GABRB2: variants seen among roughly 807,000 people sequenced by gnomAD.
GABRB2 encodes the protein gamma-aminobutyric acid type A receptor subunit beta2.
In GABRB2, 16 loss-of-function variants were observed where a neutral mutation model predicts 54.7. That is an observed-to-expected ratio of 0.29 (90% CI 0.20 to 0.44). The LOEUF is 0.44. Ranked by LOEUF, GABRB2 falls within the 20% of genes least tolerant of loss-of-function variation. GABRB2 has a pLI of 1.00. For missense variants in GABRB2, 355 were observed against 644.0 expected (o/e 0.55, Z 4.86); for synonymous variants, 244 against 233.8 (o/e 1.04, Z -0.40).
chr5:161,469,520 AAAAAACAAAAAAC>A (rs1412920459), intron 3 of GABRB2, among the ~76,000 whole-genome samples: 1 of 148,080 alleles, frequency 6.8e-6, no homozygotes, highest in Non-Finnish European at 1.5e-5. Flanking sequence ...AAAAAAAACC[AAAAAACAAAAAAC>A]AAAAAGAAAA....
At chr5:161,334,620 C>A (rs1028610357) in intron 7 of GABRB2, 132 bp downstream of exon 7, 40 of 821,874 alleles carry the variant, frequency 4.9e-5, no homozygotes, top group Non-Finnish European at 6.5e-5. Flanking sequence ...AGTCTCATAG[C>A]GAAACTCTTA....
intron 4 of GABRB2, among the ~76,000 whole-genome samples, chr5:161,434,652 A>G (rs1757260279): frequency 1.3e-5 from 2 of 152,056 alleles, no homozygotes; most frequent in African/African-American, 2.4e-5. Flanking sequence ...GTTGTCCCCT[A>G]TGTCTCAGTG....
chr5:161,421,573 C>T (rs1364977691), intron 4 of GABRB2, among the ~76,000 whole-genome samples: 2 of 152,156 alleles, frequency 1.3e-5, no homozygotes, highest in African/African-American at 4.8e-5. Context: ...ATTTTCACTG[C>T]AGTACATGGT....
chr5:161,310,662 C>T (rs761110887), intron 9 of GABRB2, among the ~76,000 whole-genome samples: 16 of 135,044 alleles, frequency 1.2e-4, no homozygotes, highest in African/African-American at 2.6e-4. Context: ...CACATGCACA[C>T]GCACGCGCAC....
intron 5 of GABRB2, among the ~76,000 whole-genome samples, chr5:161,395,974 A>G (rs1755986707): frequency 6.6e-6 from 1 of 152,214 alleles, no homozygotes; most frequent in Non-Finnish European, 1.5e-5. Flanking sequence ...AAATAATGTC[A>G]AGGAGAAGTT....
chr5:161,433,805 A>C (rs781523785), intron 4 of GABRB2, among the ~76,000 whole-genome samples: 1 of 152,130 alleles, frequency 6.6e-6, no homozygotes, highest in Non-Finnish European at 1.5e-5. Context: ...ACCCTGCAGG[A>C]TGATTCTCTG....
At chr5:161,545,371 G>A (rs1194687646) in intron 2 of GABRB2, 77 bp from the exon 3 acceptor site, 15 of 1,081,560 alleles carry the variant, frequency 1.4e-5, no homozygotes, top group Non-Finnish European at 1.2e-5. Flanking sequence ...CTGAGCATAA[G>A]ACACTCTGCC....
intron 3 of GABRB2, among the ~76,000 whole-genome samples, chr5:161,521,022 T>C (rs1760096691): frequency 6.6e-6 from 1 of 152,010 alleles, no homozygotes; most frequent in Non-Finnish European, 1.5e-5. Context: ...AGAACATCCA[T>C]GATTTACAAC....
rs540008927 is a variant in GABRB2, at chr5:161,454,807, G to A, written c.458+4817C>T. Among the ~76,000 whole-genome samples the A allele has an allele frequency of 4.6e-5, 7 of 152,084 alleles. No individual in the cohort carries two copies. In the South Asian group the frequency reaches 8.3e-4, roughly 18 times the overall value. ...GCTTAAGGTTCAATGAGAAGCCACC[G>A]ACAAAAGTCCAAATTAAAACCCAAC... is the stretch of plus-strand genomic sequence containing the variant. On this transcript the variant is annotated intron_variant, in intron 4 of 9. Coordinates refer to ENST00000393959, the MANE Select transcript of GABRB2 (RefSeq NM_001371727.1).
chr5:161,382,607 C>T (rs548680147), intron 5 of GABRB2, among the ~76,000 whole-genome samples: 8 of 152,244 alleles, frequency 5.3e-5, no homozygotes, highest in African/African-American at 1.4e-4. Flanking sequence ...TTATATTTTA[C>T]CCTGGGCCTT....
chr5:161,388,758 A>G (rs1460050254), intron 5 of GABRB2, among the ~76,000 whole-genome samples: 4 of 151,952 alleles, frequency 2.6e-5, no homozygotes, highest in Admixed American at 6.6e-5. Context: ...TGTTTACTAC[A>G]TCACCAAATC....
intron 4 of GABRB2, among the ~76,000 whole-genome samples, chr5:161,417,058 C>G (rs142297950): frequency 1.2e-3 from 187 of 152,300 alleles, no homozygotes; most frequent in African/African-American, 4.3e-3. Flanking sequence ...TCACCTGAGT[C>G]TTTTCCTCCA....
chr5:161,508,391 C>A (rs893067076), intron 3 of GABRB2, among the ~76,000 whole-genome samples: 22 of 150,184 alleles, frequency 1.5e-4, no homozygotes, highest in Non-Finnish European at 1.6e-4. Flanking sequence ...ACATGAATAG[C>A]AATGTTGTCC....
intron 4 of GABRB2, among the ~76,000 whole-genome samples, chr5:161,443,304 C>G (rs908155792): frequency 4.6e-5 from 7 of 152,090 alleles, no homozygotes; most frequent in African/African-American, 1.7e-4. Context: ...ATTTCAACAA[C>G]AATAACACTT....
intron 4 of GABRB2, among the ~76,000 whole-genome samples, chr5:161,434,479 A>C (rs922356622): frequency 6.6e-6 from 1 of 152,088 alleles, no homozygotes; most frequent in African/African-American, 2.4e-5. Context: ...CATTTCTCAT[A>C]GTTCTCCAGC....
chr5:161,381,737 G>A (rs565727608), intron 5 of GABRB2, among the ~76,000 whole-genome samples: 11 of 152,214 alleles, frequency 7.2e-5, no homozygotes, highest in African/African-American at 1.9e-4. Context: ...AAGAGGTTAC[G>A]AGCATGAGCT....
intron 9 of GABRB2, among the ~76,000 whole-genome samples, chr5:161,317,733 T>A (rs1423138041): frequency 6.6e-6 from 1 of 152,032 alleles, no homozygotes; most frequent in African/African-American, 2.4e-5. Context: ...CACATATTAA[T>A]AAATGTTAAT....
At chr5:161,504,230 T>C (rs1759533764) in intron 3 of GABRB2, among the ~76,000 whole-genome samples, 1 of 152,156 alleles carries the variant, frequency 6.6e-6, no homozygotes, top group South Asian at 2.1e-4. Flanking sequence ...TATAGAACAC[T>C]ACACCCAGAA....
At chr5:161,543,650 A>C (rs1760885303) in intron 3 of GABRB2, among the ~76,000 whole-genome samples, 1 of 152,202 alleles carries the variant, frequency 6.6e-6, no homozygotes, top group African/African-American at 2.4e-5. Context: ...AGCATAATTT[A>C]GATTCACATT....
Sources: gnomAD v4.1 joint callset for allele counts (sites outside exome capture counted in the v4.1 genomes callset) on GRCh38, gnomAD v4.1.1 for gene constraint, MANE v1.5 for transcripts, NCBI Gene and HGNC (gene_info 2026-07-23, HGNC 2026-07-21) for gene names.